Variants in GPC5 observed in about 807,000 individuals in gnomAD.
GPC5 encodes the protein glypican 5, also known as glypican-5.
Under a neutral mutation model 53.9 loss-of-function variants are expected in GPC5, and 47 were observed. The ratio of observed to expected loss-of-function variants is 0.87; its 90% confidence interval spans 0.69 to 1.11. GPC5 has a LOEUF of 1.11. GPC5 is among the 50% of genes most tolerant of loss of function. The pLI is 0.00. For missense variants in GPC5, 748 were observed against 713.1 expected, an observed-to-expected ratio of 1.05 and a Z score of -0.56; for synonymous variants, 286 against 263.3, an observed-to-expected ratio of 1.09 and a Z score of -0.84.
At chr13:92,304,164 A>G (rs969323419) in intron 7 of GPC5, among the ~76,000 whole-genome samples, 6 of 151,942 alleles carry the variant, frequency 3.9e-5, no homozygotes, top group African/African-American at 1.5e-4. Context: ...TGGGCTCTCA[A>G]AAAATGTAAT....
chr13:92,575,321 A>G (rs939640665), intron 7 of GPC5, among the ~76,000 whole-genome samples: 1 of 152,184 alleles, frequency 6.6e-6, no homozygotes, highest in African/African-American at 2.4e-5. Context: ...TTATTTTTAT[A>G]ATTAAAAGAA....
intron 5 of GPC5, among the ~76,000 whole-genome samples, chr13:91,774,045 T>G (rs2037669198): frequency 6.6e-6 from 1 of 152,210 alleles, no homozygotes; most frequent in African/African-American, 2.4e-5. Flanking sequence ...CTTTTCTCTC[T>G]AAAAGTTTTG....
chr13:92,145,966 C>T (rs1484184165), intron 7 of GPC5, among the ~76,000 whole-genome samples: 1 of 152,064 alleles, frequency 6.6e-6, no homozygotes, highest in African/African-American at 2.4e-5. Context: ...ATCAATTCCT[C>T]ATTCCTTCTA....
chr13:91,897,368 T>TGC (rs71113773), intron 5 of GPC5, among the ~76,000 whole-genome samples: 49,696 of 149,100 alleles, frequency 0.33, 9,289 homozygotes, highest in East Asian at 0.65. Context: ...TGTGTGTGTG[T>TGC]GCGCCTGTGC....
intron 7 of GPC5, among the ~76,000 whole-genome samples, chr13:92,469,274 T>C (rs1330259554): frequency 6.6e-6 from 1 of 152,112 alleles, no homozygotes; most frequent in East Asian, 1.9e-4. Flanking sequence ...AGTGGTGCGA[T>C]CTCAGCTCAC....
chr13:91,862,858 G>T (rs1201152302), intron 5 of GPC5, among the ~76,000 whole-genome samples: 1 of 152,024 alleles, frequency 6.6e-6, no homozygotes, highest in Non-Finnish European at 1.5e-5. Context: ...TCTTTTTAAT[G>T]CCCATTTATT....
intron 4 of GPC5, among the ~76,000 whole-genome samples, chr13:91,736,448 C>T (rs934761523): frequency 6.6e-6 from 1 of 150,840 alleles, no homozygotes; most frequent in Non-Finnish European, 1.5e-5. Flanking sequence ...TTTTTTTTGC[C>T]ATCTCATATG....
At chr13:92,220,161 C>T (rs1171455496) in intron 7 of GPC5, among the ~76,000 whole-genome samples, 2 of 152,022 alleles carry the variant, frequency 1.3e-5, no homozygotes, top group African/African-American at 2.4e-5. Flanking sequence ...ATACTTTGTG[C>T]TTTTCTTTTT....
At chr13:91,819,306 C>T (rs564010936) in intron 5 of GPC5, among the ~76,000 whole-genome samples, 1 of 151,744 alleles carries the variant, frequency 6.6e-6, no homozygotes, top group African/African-American at 2.4e-5. Context: ...ATTACAGGTG[C>T]CTGCCATCAC....
intron 7 of GPC5, among the ~76,000 whole-genome samples, chr13:92,209,243 TAGTC>T (rs2042358239): frequency 6.6e-6 from 1 of 152,204 alleles, no homozygotes; most frequent in Non-Finnish European, 1.5e-5. Context: ...TATCCCTTCA[TAGTC>T]AGAGCTTAAC....
At chr13:92,809,200 G>T (rs1272598359) in intron 7 of GPC5, among the ~76,000 whole-genome samples, 1 of 152,064 alleles carries the variant, frequency 6.6e-6, no homozygotes, top group Admixed American at 6.6e-5. Flanking sequence ...TTTAGCTGTG[G>T]TCACACAGCA....
chr13:92,427,328 A>G (rs1172209954), intron 7 of GPC5, among the ~76,000 whole-genome samples: 1 of 149,076 alleles, frequency 6.7e-6, no homozygotes, highest in African/African-American at 2.5e-5. Flanking sequence ...TAAATAACAT[A>G]CGAGATAACT....
intron 6 of GPC5, among the ~76,000 whole-genome samples, chr13:92,020,683 C>CTTTTTTTTTTTTTTTTTTTTTT (rs71113782): frequency 7.1e-6 from 1 of 140,658 alleles, no homozygotes; most frequent in Non-Finnish European, 1.5e-5. Flanking sequence ...TTAGTTTATT[C>CTTTTTTTTTTTTTTTTTTTTTT]TTTTTTTTTT....
intron 2 of GPC5, among the ~76,000 whole-genome samples, chr13:91,668,148 T>C (rs1452799790): frequency 6.6e-6 from 1 of 152,198 alleles, no homozygotes; most frequent in Non-Finnish European, 1.5e-5. Flanking sequence ...CTTTTCCTTT[T>C]CTGCATGAAC....
intron 7 of GPC5, among the ~76,000 whole-genome samples, chr13:92,258,220 T>C (rs2042741051): frequency 6.6e-6 from 1 of 152,164 alleles, no homozygotes; most frequent in African/African-American, 2.4e-5. Flanking sequence ...AATTCACTTA[T>C]AAATAGGGCA....
intron 1 of GPC5, among the ~76,000 whole-genome samples, chr13:91,433,911 T>C (rs58353927): frequency 0.077 from 11,765 of 152,108 alleles, 1,476 homozygotes; most frequent in African/African-American, 0.27. Flanking sequence ...TGTGAGATGG[T>C]ATCTCATTGT....
chr13:92,640,872 C>T (rs905726055), intron 7 of GPC5, among the ~76,000 whole-genome samples: 6 of 151,478 alleles, frequency 4.0e-5, no homozygotes, highest in African/African-American at 1.5e-4. Flanking sequence ...ATTATAATAA[C>T]CAAACAAACA....
intron 7 of GPC5, among the ~76,000 whole-genome samples, chr13:92,499,746 T>C (rs904794764): frequency 6.6e-6 from 1 of 152,144 alleles, no homozygotes; most frequent in Non-Finnish European, 1.5e-5. Context: ...GCTAACTCGG[T>C]AGGGAAATAT....
rs145644793 is a variant in GPC5, at chr13:92,377,994, A to T, written c.1561+233005A>T. ...TTGAATCTCTTCCATGTAGAAGTTT[A>T]TTCTCTCATATATTCTCTCTCTTTC... On this transcript the variant is annotated intron_variant, in intron 7 of 7. Coordinates refer to ENST00000377067, the MANE Select transcript of GPC5 (RefSeq NM_004466.6). Among the ~76,000 whole-genome samples the T allele has an allele frequency of 5.6e-3, 853 of 152,146 alleles. 4 individuals are homozygous for T. Among genetic ancestry groups the T allele is most frequent in the African/African-American group, 0.02 (817 of 41,514 alleles).
Sources: allele counts gnomAD v4.1 joint callset (sites outside exome capture counted in the v4.1 genomes callset), GRCh38; gene constraint gnomAD v4.1.1; transcripts MANE v1.5; gene names NCBI Gene and HGNC (gene_info 2026-07-23, HGNC 2026-07-21).